Variants in SKIL observed in about 807,000 individuals in gnomAD.
SKIL encodes the protein SKI like proto-oncogene, also known as ski-like protein.
A neutral mutation model predicts 69.6 loss-of-function variants in SKIL; 20 were observed. The observed-to-expected ratio is 0.29, with a 90% CI of 0.20 to 0.42. The LOEUF is 0.42. SKIL is among the 10% of genes least tolerant of loss of function. SKIL has a pLI of 1.00. For missense variants in SKIL, 745 were observed against 783.1 expected (o/e 0.95, Z 0.58); for synonymous variants, 310 against 279.9 (o/e 1.11, Z -1.08).
intron 2 of SKIL, among the ~76,000 whole-genome samples, chr3:170,362,450 C>G (rs556486172): frequency 6.6e-6 from 1 of 152,066 alleles, no homozygotes; most frequent in Non-Finnish European, 1.5e-5. Flanking sequence ...TGTAGTGAGC[C>G]GAGATTGTGC....
intron 2 of SKIL, among the ~76,000 whole-genome samples, chr3:170,369,066 C>T (rs1736672194): frequency 7.0e-6 from 1 of 143,136 alleles, no homozygotes; most frequent in Non-Finnish European, 1.5e-5. Context: ...ATATGTGGAC[C>T]CTCCCTATCC....
In SKIL at chr3:170,361,419, A is replaced by G; in HGVS notation, c.1088A>G (p.Asn363Ser). The G allele has an allele frequency of 2.5e-6, 4 of 1,570,550 alleles. No individual in the cohort carries two copies. The highest frequency in any genetic ancestry group is 1.2e-5 in the South Asian group (1 of 83,602). ...TTTAGCATGAGAAGTGGAAAGAGAA[A>G]TCAATCCAAGGCAAGTTTTTTATAT... ...EKFSMRSGKRNQSKTDAPSGM... is the reference protein window; with the variant it reads ...EKFSMRSGKRSQSKTDAPSGM... Residue 363 changes from asparagine to serine, a missense_variant, in exon 2 of 7, where the codon AAT becomes AGT. Transcript: ENST00000259119.
chr3:170,364,858 C>T (rs777841389), intron 2 of SKIL, among the ~76,000 whole-genome samples: 3 of 152,222 alleles, frequency 2.0e-5, no homozygotes, highest in Non-Finnish European at 4.4e-5. Flanking sequence ...GATTTGAATA[C>T]ATTTTCGATT....
chr3:170,381,439 TTA>T, intron 3 of SKIL, 98 bp downstream of exon 3: 1 of 644,938 alleles, frequency 1.6e-6, no homozygotes, highest in Non-Finnish European at 2.8e-6. Context: ...AATTATTTAT[TTA>T]TTTTTTTTGG....
chr3:170,379,818 G>A (rs80304993), intron 2 of SKIL, among the ~76,000 whole-genome samples: 33,884 of 151,730 alleles, frequency 0.22, 3,957 homozygotes, highest in Middle Eastern at 0.33. Context: ...TAAGTTTTGC[G>A]TTTTTAATAG....
chr3:170,371,125 C>T (rs547425347), intron 2 of SKIL, among the ~76,000 whole-genome samples: 2 of 152,274 alleles, frequency 1.3e-5, no homozygotes, highest in South Asian at 4.1e-4. Flanking sequence ...CATGTGATAA[C>T]TGCCTCTGGA....
chr3:170,357,797 A>AGGC (rs201449942), intron 1 of SKIL, 34 bp downstream of exon 1: 2,869 of 161,034 alleles, frequency 0.018, 50 homozygotes, highest in Non-Finnish European at 0.029. Flanking sequence ...GACGCGGCGG[A>AGGC]GGCGGCGGGA....
intron 2 of SKIL, among the ~76,000 whole-genome samples, chr3:170,366,646 G>A (rs987686619): frequency 6.6e-6 from 1 of 150,392 alleles, no homozygotes; most frequent in Non-Finnish European, 1.5e-5. Flanking sequence ...CTTCATCCTG[G>A]GTGACAGAGT....
chr3:170,374,194 AT>A (rs1224137208), intron 2 of SKIL, among the ~76,000 whole-genome samples: 1 of 152,048 alleles, frequency 6.6e-6, no homozygotes, highest in African/African-American at 2.4e-5. Context: ...CTTATTTTAT[AT>A]TTTTTTACTG....
At chr3:170,373,167 TTTTA>T (rs1420512828) in intron 2 of SKIL, among the ~76,000 whole-genome samples, 1 of 151,652 alleles carries the variant, frequency 6.6e-6, no homozygotes, top group Non-Finnish European at 1.5e-5. Flanking sequence ...CGGCTAATTT[TTTTA>T]TTTATTTTTA....
intron 2 of SKIL, 49 bp from the exon 3 acceptor site, chr3:170,381,195 C>G: frequency 9.8e-7 from 1 of 1,022,208 alleles, no homozygotes; most frequent in South Asian, 1.3e-5. Context: ...TAAAATTAAC[C>G]TTCACAGTTT....
At chr3:170,388,729 C>T (rs780190757) in intron 4 of SKIL, among the ~76,000 whole-genome samples, 4 of 151,910 alleles carry the variant, frequency 2.6e-5, no homozygotes, top group Non-Finnish European at 4.4e-5. Flanking sequence ...CGCGCTTGGC[C>T]GTGTTAGTGT....
intron 1 of SKIL, among the ~76,000 whole-genome samples, chr3:170,358,072 C>A (rs1403640107): frequency 1.3e-5 from 2 of 152,102 alleles, no homozygotes; most frequent in African/African-American, 4.8e-5. Flanking sequence ...CCCGGACGCC[C>A]GTCACCGCCC....
At chr3:170,386,815 G>A (rs1737655072) in intron 4 of SKIL, among the ~76,000 whole-genome samples, 1 of 151,958 alleles carries the variant, frequency 6.6e-6, no homozygotes, top group Non-Finnish European at 1.5e-5. Context: ...TTTAAATATG[G>A]TAAACAAAAA....
chr3:170,364,139 G>C (rs1338211514), intron 2 of SKIL, among the ~76,000 whole-genome samples: 1 of 151,892 alleles, frequency 6.6e-6, no homozygotes, highest in Non-Finnish European at 1.5e-5. Flanking sequence ...TTTTAGTAGA[G>C]AGGGGGTTTC....
Position 170,359,956 on chromosome 3 carries a change from T to G in SKIL, c.-376T>G, listed in dbSNP as rs779361026. On this transcript the variant is annotated 5_prime_UTR_variant, in exon 2 of 7. Transcript: ENST00000259119. Reference sequence around the variant, plus strand: ...TGGCACAAGGAATGGCATAAACTTTTCATGTGTTTTGGTTAAAACAAACCA... The same window carrying G: ...TGGCACAAGGAATGGCATAAACTTTGCATGTGTTTTGGTTAAAACAAACCA... The G allele has an allele frequency of 6.2e-6, 1 of 162,320 alleles. No homozygotes were observed. The highest frequency in any genetic ancestry group is 2.4e-5 in the African/African-American group (1 of 41,762). 10.1% of individuals were successfully genotyped at this position (162,320 alleles called of 1,614,324 possible).
chr3:170,385,869 T>C (rs1737599456), intron 4 of SKIL, among the ~76,000 whole-genome samples: 1 of 151,702 alleles, frequency 6.6e-6, no homozygotes, highest in Non-Finnish European at 1.5e-5. Context: ...TGGTGAGATC[T>C]CAGCTCACCG....
At chr3:170,391,464 C>T (rs545424448) in intron 6 of SKIL, among the ~76,000 whole-genome samples, 6 of 151,908 alleles carry the variant, frequency 3.9e-5, no homozygotes, top group Non-Finnish European at 7.4e-5. Context: ...GGATTACAGG[C>T]GTGCGACACT....
At chr3:170,391,993 A>T (rs1737948634) in intron 6 of SKIL, among the ~76,000 whole-genome samples, 1 of 152,256 alleles carries the variant, frequency 6.6e-6, no homozygotes, top group South Asian at 2.1e-4. Context: ...TAACATGAGC[A>T]GGCTGTGATG....
Sources: allele counts gnomAD v4.1 joint callset (sites outside exome capture counted in the v4.1 genomes callset), GRCh38; gene constraint gnomAD v4.1.1; transcripts MANE v1.5; gene names NCBI Gene and HGNC (gene_info 2026-07-23, HGNC 2026-07-21).